The following KIF26A variants were observed in gnomAD, a reference collection of about 807,000 sequenced individuals.
KIF26A encodes kinesin family member 26A, also known as kinesin-like protein KIF26A.
Under a neutral mutation model 126.0 loss-of-function variants are expected in KIF26A, and 74 were observed. The observed-to-expected ratio is 0.59, with a 90% CI of 0.49 to 0.71. The LOEUF is 0.71. Ranked by LOEUF, KIF26A falls within the 30% of genes least tolerant of loss-of-function variation. The pLI is 0.00. For synonymous variants in KIF26A, 1,445 were observed against 1,232.7 expected (o/e 1.17, Z -3.61); for missense variants, 2,984 against 2,763.3 (o/e 1.08, Z -1.79).
At chr14:104,144,102 C>T (rs978778151) in intron 2 of KIF26A, among the ~76,000 whole-genome samples, 1 of 152,218 alleles carries the variant, frequency 6.6e-6, no homozygotes, top group Non-Finnish European at 1.5e-5. Flanking sequence ...GCGGTGCTGC[C>T]TCCGGGATTC....
chr14:104,161,887 C>T (rs1038228249), intron 4 of KIF26A, among the ~76,000 whole-genome samples: 1 of 152,210 alleles, frequency 6.6e-6, no homozygotes, highest in Non-Finnish European at 1.5e-5. Context: ...AGTCAAACCC[C>T]TCAGACTTGC....
intron 4 of KIF26A, among the ~76,000 whole-genome samples, chr14:104,160,713 C>T (rs1006949743): frequency 3.9e-5 from 6 of 152,202 alleles, no homozygotes; most frequent in Admixed American, 2.6e-4. Context: ...TCTGAGGCCC[C>T]GCTGGTTTGT....
intron 14 of KIF26A, 44 bp downstream of exon 14, chr14:104,179,430 C>A: frequency 6.9e-7 from 1 of 1,457,966 alleles, no homozygotes; most frequent in South Asian, 1.4e-5. Flanking sequence ...CCACCGTGTG[C>A]CCTGACAGCT....
At position 104,177,759 on chromosome 14, in the gene KIF26A, C is replaced by A; in HGVS notation, c.4971C>A (p.Ser1657Arg). The A allele has an allele frequency of 6.5e-7, 1 of 1,547,088 alleles. No homozygotes were observed. The highest frequency in any genetic ancestry group is 8.7e-7 in the Non-Finnish European group (1 of 1,153,600). Reference sequence around the variant, plus strand: ...CCCTTTTCCACCACAGCGGTGGCAGCAGTGGCTATGAGAGCCTGCGGCGCG... The same window carrying A: ...CCCTTTTCCACCACAGCGGTGGCAGAAGTGGCTATGAGAGCCTGCGGCGCG... ...RTALFHHSGG[S>R]SGYESLRRDS... is the part of the protein sequence containing the mutation. Residue 1657 changes from serine to arginine, a missense_variant, in exon 12 of 15, where the codon AGC becomes AGA. Coordinates refer to ENST00000423312, the MANE Select transcript of KIF26A (RefSeq NM_015656.2).
intron 14 of KIF26A, 92 bp from the exon 15 acceptor site, chr14:104,179,517 A>C: frequency 4.2e-6 from 6 of 1,433,726 alleles, no homozygotes; most frequent in Non-Finnish European, 5.5e-6. Flanking sequence ...GGCCGGGCCA[A>C]GATGCCTTTC....
In KIF26A at chr14:104,173,734, C is replaced by T. The variant is rs770166478; in HGVS notation, c.1896C>T (p.Leu632=). The T allele has an allele frequency of 1.2e-6, 2 of 1,611,236 alleles. No individual in the cohort carries two copies. Among genetic ancestry groups the T allele is most frequent in the African/African-American group, 1.3e-5 (1 of 74,886 alleles). Residue 632 remains leucine, a synonymous_variant, in exon 10 of 15, where the codon CTC becomes CTT. Coordinates refer to ENST00000423312, the MANE Select transcript of KIF26A (RefSeq NM_015656.2). ...CCGGAGGCCGCAGCCGCCTGCACCTCATCGACCTGGGCAGCTGTGAGGCGG... is the reference window on the plus strand; with the variant it reads ...CCGGAGGCCGCAGCCGCCTGCACCTTATCGACCTGGGCAGCTGTGAGGCGG... ...GMSGGRSRLH[L]IDLGSCEAAA...
At chr14:104,166,660 C>G (rs912738914) in intron 4 of KIF26A, among the ~76,000 whole-genome samples, 199 bp from the exon 5 acceptor site, 1 of 150,540 alleles carries the variant, frequency 6.6e-6, no homozygotes, top group Non-Finnish European at 1.5e-5. Context: ...GTCCCTGGGG[C>G]AGGGACGCCA....
intron 14 of KIF26A, 41 bp downstream of exon 14, chr14:104,179,427 G>A (rs781565068): frequency 4.1e-6 from 6 of 1,461,204 alleles, no homozygotes; most frequent in Non-Finnish European, 3.6e-6. Context: ...GGCCCACCGT[G>A]TGCCCTGACA....
intron 12 of KIF26A, among the ~76,000 whole-genome samples, chr14:104,178,334 G>A (rs1224020630): frequency 6.6e-6 from 1 of 152,206 alleles, no homozygotes; most frequent in Non-Finnish European, 1.5e-5. Context: ...GAAAGTGGGA[G>A]GCCCTGGTGG....
rs777924224 is a variant in KIF26A, at chr14:104,177,602, C to A, written c.4814C>A (p.Thr1605Lys). The A allele has an allele frequency of 5.9e-6, 9 of 1,529,950 alleles. No individual in the cohort carries two copies. The highest frequency in any genetic ancestry group is 7.9e-6 in the Non-Finnish European group (9 of 1,143,234). The allele number at this position is 1,529,950 out of a possible 1,614,324, so 94.8% of individuals were successfully genotyped here. A position where few individuals can be genotyped will look rare whatever the true frequency, so the allele number is the denominator to read the frequency against. Residue 1605 changes from threonine to lysine, a missense_variant, in exon 12 of 15, where the codon ACG becomes AAG. Thr to Lys is a moderately conservative substitution (Grantham distance 78, BLOSUM62 -1). Transcript: ENST00000423312. ...AACGTGGGGGAGGAGCGGCCACCCA[C>A]GGGCCCGGCCCTGCCCTCCCCCTAC... ...GVNVGEERPPTGPALPSPYSK... is the reference protein window; with the variant it reads ...GVNVGEERPPKGPALPSPYSK...
chr14:104,172,691 A>C, intron 7 of KIF26A, 23 bp downstream of exon 7: 1 of 1,560,096 alleles, frequency 6.4e-7, no homozygotes, highest in Non-Finnish European at 8.8e-7. Context: ...GCCCCACCCT[A>C]GATGGGTCCT....
At chr14:104,140,118 A>G (rs1272461812) in intron 2 of KIF26A, among the ~76,000 whole-genome samples, 1 of 152,190 alleles carries the variant, frequency 6.6e-6, no homozygotes, top group Non-Finnish European at 1.5e-5. Flanking sequence ...GAATCTAAAT[A>G]TAGTTCTCTA....
At chr14:104,167,652 C>G (rs1795190906) in intron 5 of KIF26A, among the ~76,000 whole-genome samples, 1 of 152,178 alleles carries the variant, frequency 6.6e-6, no homozygotes, top group Admixed American at 6.5e-5. Flanking sequence ...AAATACCTGC[C>G]CTGGCTGGAC....
Position 104,176,952 on chromosome 14 carries a change from G to A in KIF26A, c.4164G>A (p.Ala1388=), listed in dbSNP as rs776843277. ...ASAPPHAVNP[A]RVGAAAVLRG... Reference sequence around the variant, plus strand: ...CCCCTCCGCATGCTGTGAACCCGGCGCGGGTCGGGGCTGCTGCTGTCCTTC... The same window carrying A: ...CCCCTCCGCATGCTGTGAACCCGGCACGGGTCGGGGCTGCTGCTGTCCTTC... Residue 1388 remains alanine (A), a synonymous_variant, in exon 12 of 15, where the codon GCG becomes GCA. Coordinates refer to ENST00000423312, the MANE Select transcript of KIF26A (RefSeq NM_015656.2). 1.6e-5 allele frequency: 24 copies of A among 1,534,750 alleles called. No individual in the cohort carries two copies. The highest frequency in any genetic ancestry group is 3.5e-4 in the Middle Eastern group (2 of 5,708).
rs1160969604 is a variant in KIF26A at position 104,167,117 on chromosome 14, G to A, written c.1113+69G>A. On this transcript the variant is annotated intron_variant, in intron 5 of 14. Transcript: ENST00000423312. ...AGGCGTCTGAGAAGACGCAGGAGGGGTGAGGGAGTGGAGGGGCTGCCACTT... is the reference window on the plus strand; with the variant it reads ...AGGCGTCTGAGAAGACGCAGGAGGGATGAGGGAGTGGAGGGGCTGCCACTT... 21 of 1,400,954 alleles carry A rather than the reference G, an allele frequency of 1.5e-5. No homozygotes were observed. The Admixed American group carries it at 2.6e-4, about 17-fold the overall frequency. 86.8% of individuals were successfully genotyped at this position (1,400,954 alleles called of 1,614,324 possible).
intron 12 of KIF26A, among the ~76,000 whole-genome samples, chr14:104,178,133 C>T (rs1242884462): frequency 1.3e-5 from 2 of 152,370 alleles, no homozygotes; most frequent in East Asian, 1.9e-4. Flanking sequence ...TCTGGCCCCA[C>T]CCTGCCCTGG....
chr14:104,167,830 C>A (rs903975950), intron 5 of KIF26A, among the ~76,000 whole-genome samples: 1 of 152,184 alleles, frequency 6.6e-6, no homozygotes, highest in Non-Finnish European at 1.5e-5. Flanking sequence ...CCCCCTCCCG[C>A]CCAGCACCCC....
chr14:104,140,254 A>G (rs2037625374), intron 2 of KIF26A, among the ~76,000 whole-genome samples: 1 of 151,758 alleles, frequency 6.6e-6, no homozygotes, highest in Admixed American at 6.6e-5. Flanking sequence ...AGTCTCGGCG[A>G]GGGATAGGAT....
intron 4 of KIF26A, among the ~76,000 whole-genome samples, chr14:104,162,295 C>T (rs538488817): frequency 5.4e-4 from 82 of 152,318 alleles, no homozygotes; most frequent in Non-Finnish European, 1.1e-3. Context: ...GGGCGAACAA[C>T]CTTCCAGACT....
Sources: allele counts gnomAD v4.1 joint callset (sites outside exome capture counted in the v4.1 genomes callset), GRCh38; gene constraint gnomAD v4.1.1; transcripts MANE v1.5; gene names NCBI Gene and HGNC (gene_info 2026-07-23, HGNC 2026-07-21).